The following RAB11FIP1 variants were observed in gnomAD, a reference collection of about 807,000 sequenced individuals.
RAB11FIP1 encodes RAB11 family interacting protein 1, also known as rab11 family-interacting protein 1.
In RAB11FIP1, 49 loss-of-function variants were observed where a neutral mutation model predicts 83.1. That is an observed-to-expected ratio of 0.59 (90% CI 0.47 to 0.75). RAB11FIP1 has a LOEUF of 0.75. RAB11FIP1 is among the 30% of genes least tolerant of loss of function. The probability of loss-of-function intolerance (pLI) is 0.00; values close to 1 mark genes in which losing one functional copy is unlikely to be tolerated. For missense variants in RAB11FIP1, 1,536 were observed against 1,598.7 expected (o/e 0.96, Z 0.67); for synonymous variants, 670 against 656.0 (o/e 1.02, Z -0.33).
chr8:37,876,522 C>T (rs1174148071), intron 2 of RAB11FIP1, among the ~76,000 whole-genome samples: 3 of 151,962 alleles, frequency 2.0e-5, no homozygotes, highest in Non-Finnish European at 4.4e-5. Context: ...TCCTTGAGCC[C>T]AGGAGTTGGA....
chr8:37,887,281 AG>A (rs1806851571), intron 1 of RAB11FIP1, among the ~76,000 whole-genome samples: 1 of 152,220 alleles, frequency 6.6e-6, no homozygotes, highest in Admixed American at 6.5e-5. Context: ...CTGTAATCCC[AG>A]CACATTGGGA....
chr8:37,876,880 A>G (rs954262342), intron 2 of RAB11FIP1, among the ~76,000 whole-genome samples: 1 of 152,032 alleles, frequency 6.6e-6, no homozygotes, highest in African/African-American at 2.4e-5. Flanking sequence ...GGCTCAAGCA[A>G]TCTGCCTGCC....
At chr8:37,873,983 C>T (rs1198800058) in intron 3 of RAB11FIP1, among the ~76,000 whole-genome samples, 1 of 152,042 alleles carries the variant, frequency 6.6e-6, no homozygotes, top group East Asian at 1.9e-4. Context: ...CACAGAAAAG[C>T]AGAAGTCCCC....
In RAB11FIP1 at chr8:37,877,180, A is replaced by G. The variant is rs1806633608; in HGVS notation, c.743T>C (p.Leu248Pro). The G allele has an allele frequency of 1.2e-6, 2 of 1,614,056 alleles. No homozygotes were observed. The highest frequency in any genetic ancestry group is 1.1e-5 in the South Asian group (1 of 91,084). The stretch of plus-strand genomic sequence containing the variant: ...CTGGGACTGAAAGTCTCCGGGACGA[A>G]GCAGCACTTTTTCTGGCTTTGAAGT... ...LPTSKPEKVL[L>P]RPGDFQSQWD... Residue 248 changes from leucine (L) to proline (P), a missense_variant, in exon 2 of 6, where the codon CTT becomes CCT. Transcript: ENST00000330843.
rs13277320 is a variant in RAB11FIP1, at chr8:37,895,218, A to T, written c.371+3853T>A. Among the ~76,000 whole-genome samples the T allele has an allele frequency of 2.0e-3, 28 of 13,710 alleles. No homozygotes were observed. The South Asian group carries it at 0.024, about 12-fold the overall frequency. 9.0% of individuals were successfully genotyped at this position (13,710 alleles called of 152,430 possible). The stretch of plus-strand genomic sequence containing the variant: ...ATAGCTGGGACTACAGGTGCCTGCC[A>T]ATATATATATATATATATATATATA... On this transcript the variant is annotated intron_variant, in intron 1 of 5. Transcript: ENST00000330843.
chr8:37,896,037 C>T (rs1807081989), intron 1 of RAB11FIP1, among the ~76,000 whole-genome samples: 1 of 152,108 alleles, frequency 6.6e-6, no homozygotes, highest in Admixed American at 6.6e-5. Flanking sequence ...TCGCCTGGCA[C>T]GGTGGCTCAC....
rs78986423 is a variant in RAB11FIP1 at position 37,895,070 on chromosome 8, GT to G, written c.371+4000del. ...ACTACGCCCAGCCATATATATATAT[GT>G]TTTTTTTTTTTAGAGACAGGCTTTT... On this transcript the variant is annotated intron_variant, in intron 1 of 5. Transcript: ENST00000330843. 3.3e-3 allele frequency among the ~76,000 whole-genome samples: 432 copies of G among 131,962 alleles called. 1 individual carries two copies. Among genetic ancestry groups the G allele is most frequent in the Non-Finnish European group, 4.3e-3 (262 of 61,210 alleles). 86.6% of individuals were successfully genotyped at this position (131,962 alleles called of 152,430 possible).
At chr8:37,863,186 T>A in intron 5 of RAB11FIP1, 73 bp from the exon 6 acceptor site, 1 of 1,204,980 alleles carries the variant, frequency 8.3e-7, no homozygotes, top group Non-Finnish European at 1.2e-6. Flanking sequence ...CTAAAAGAAG[T>A]ACAAAGGAGG....
chr8:37,880,632 G>C (rs556261919), intron 1 of RAB11FIP1, among the ~76,000 whole-genome samples: 1 of 151,688 alleles, frequency 6.6e-6, no homozygotes, highest in South Asian at 2.1e-4. Flanking sequence ...GCAGTGGTGC[G>C]TACTTAATAG....
chr8:37,877,546 T>A lies in RAB11FIP1; in HGVS notation c.377A>T (p.Tyr126Phe). ...RDQGRRKTQWYKLKSKPGKKD... is the reference protein window; with the variant it reads ...RDQGRRKTQWFKLKSKPGKKD... ...CTTTCCTGGTTTGGATTTCAACTTA[T>A]ACCACCTGAAAGGAGAAAGGCTGAG... The change falls in exon 2 of 6, where the codon TAT (tyrosine) becomes TTT (phenylalanine). Residue 126 changes from tyrosine to phenylalanine, a missense_variant. By Grantham distance (22) the Tyr-to-Phe change is conservative (BLOSUM62 3). Coordinates refer to ENST00000330843, the MANE Select transcript of RAB11FIP1 (RefSeq NM_001002814.3). The A allele has an allele frequency of 6.2e-7, 1 of 1,600,360 alleles. No homozygotes were observed. Among genetic ancestry groups the A allele is most frequent in the East Asian group, 2.2e-5 (1 of 44,856 alleles).
chr8:37,883,411 C>A (rs1192151240), intron 1 of RAB11FIP1, among the ~76,000 whole-genome samples: 1 of 152,172 alleles, frequency 6.6e-6, no homozygotes, highest in Admixed American at 6.5e-5. Flanking sequence ...CTCAGGTGAT[C>A]CGCCTGCCTC....
At position 37,872,471 on chromosome 8, in the gene RAB11FIP1, C is replaced by T. The variant is rs1412998870; in HGVS notation, c.2331G>A (p.Met777Ile). The change falls in exon 4 of 6, where the codon ATG (methionine) becomes ATA (isoleucine). Residue 777 changes from methionine (M) to isoleucine (I), a missense_variant. Transcript: ENST00000330843. Reference protein sequence around the residue: ...AAEEVAPPLPMGASVPSIDSM... With the variant: ...AAEEVAPPLPIGASVPSIDSM... ...AATCAATGGAAGGGACTGATGCTCC[C>T]ATGGGAAGAGGGGGCGCCACTTCTT... 2 of 1,614,036 alleles carry T rather than the reference C, an allele frequency of 1.2e-6. No homozygotes were observed. Among genetic ancestry groups the T allele is most frequent in the Non-Finnish European group, 1.7e-6 (2 of 1,180,034 alleles).
intron 5 of RAB11FIP1, among the ~76,000 whole-genome samples, chr8:37,864,931 CTTT>C (rs10544799): frequency 0.092 from 13,428 of 145,500 alleles, 899 homozygotes; most frequent in East Asian, 0.23. Context: ...TACTTAATGC[CTTT>C]TTTTTTTTTT....
chr8:37,877,707 AATT>A, intron 1 of RAB11FIP1, 156 bp from the exon 2 acceptor site: 2 of 415,400 alleles, frequency 4.8e-6, no homozygotes, highest in South Asian at 3.7e-5. Flanking sequence ...ATGAGAGCAG[AATT>A]TTTTTTTTTT....
chr8:37,869,392 GATGAGCGTGGCCAAC>G (rs1409694019), intron 5 of RAB11FIP1, among the ~76,000 whole-genome samples: 1 of 151,540 alleles, frequency 6.6e-6, no homozygotes, highest in African/African-American at 2.4e-5. Flanking sequence ...AGGAGTTCGA[GATGAGCGTGGCCAAC>G]ATAGCAAAAT....
In RAB11FIP1 at chr8:37,899,021, G is replaced by A; in HGVS notation, c.371+50C>T. On this transcript the variant is annotated intron_variant, in intron 1 of 5. Transcript: ENST00000330843. The surrounding 1 kb of genome is among the most constrained non-coding windows in gnomAD (Gnocchi z 4.5). The stretch of plus-strand genomic sequence containing the variant: ...GTCCAGCGCCCAGACCGCCCTGCCG[G>A]AGGGGTCCGCGCCCCCAGGCCGGGC... 1 of 1,416,590 alleles carries A rather than the reference G, an allele frequency of 7.1e-7. No individual in the cohort carries two copies. The highest frequency in any genetic ancestry group is 9.1e-7 in the Non-Finnish European group (1 of 1,094,648). 87.8% of individuals were successfully genotyped at this position (1,416,590 alleles called of 1,614,324 possible).
At chr8:37,867,690 A>C (rs1229592978) in intron 5 of RAB11FIP1, among the ~76,000 whole-genome samples, 3 of 151,452 alleles carry the variant, frequency 2.0e-5, no homozygotes, top group Non-Finnish European at 2.9e-5. Flanking sequence ...CTGATCAACC[A>C]GAGCGAAAAT....
intron 3 of RAB11FIP1, among the ~76,000 whole-genome samples, chr8:37,874,000 A>C (rs1332404087): frequency 6.6e-6 from 1 of 152,222 alleles, no homozygotes; most frequent in Non-Finnish European, 1.5e-5. Flanking sequence ...CCCCAAGGCC[A>C]GTCCCCAAGG....
At position 37,872,893 on chromosome 8, in the gene RAB11FIP1, G is replaced by A. The variant is rs1220042623; in HGVS notation, c.1909C>T (p.Gln637Ter). The A allele has an allele frequency of 2.5e-6, 4 of 1,614,238 alleles. No individual in the cohort carries two copies. The South Asian group carries it at 4.4e-5, about 18-fold the overall frequency. ...GGAACCGGTGTTAAACTCTCAGTTT[G>A]CAACTCTGCCTTAGGGAGCAAGGGT... ...GPPLLPKAEL[Q>*]TESLTPVPNS... Residue 637 changes from glutamine to a stop codon, truncating the protein, a stop_gained, in exon 4 of 6, where the codon CAA becomes TAA. Transcript: ENST00000330843. LOFTEE classifies it high-confidence loss of function.
Sources: allele counts gnomAD v4.1 joint callset (sites outside exome capture counted in the v4.1 genomes callset), GRCh38; gene constraint gnomAD v4.1.1; non-coding constraint Gnocchi (gnomAD v3.1); transcripts MANE v1.5; gene names NCBI Gene and HGNC (gene_info 2026-07-23, HGNC 2026-07-21).